Variants in DEF8 observed in about 807,000 individuals in gnomAD.
The protein encoded by DEF8 is DEF-8.
A neutral mutation model predicts 59.1 loss-of-function variants in DEF8; 38 were observed. The ratio of observed to expected loss-of-function variants is 0.64; its 90% confidence interval spans 0.50 to 0.84. The LOEUF (loss-of-function observed/expected upper bound fraction) is 0.84. Ranked by LOEUF, DEF8 falls within the 40% of genes least tolerant of loss-of-function variation. The probability of loss-of-function intolerance (pLI) is 0.00; values close to 1 mark genes in which losing one functional copy is unlikely to be tolerated. For missense variants in DEF8, 557 were observed against 615.2 expected, an observed-to-expected ratio of 0.91 and a Z score of 1.00; for synonymous variants, 265 against 250.1, an observed-to-expected ratio of 1.06 and a Z score of -0.56.
chr16:89,956,176 G>A (rs1436867889), intron 4 of DEF8, among the ~76,000 whole-genome samples: 1 of 151,816 alleles, frequency 6.6e-6, no homozygotes, highest in Non-Finnish European at 1.5e-5. Context: ...AAAGGATTTG[G>A]GCCAGACGTG....
Position 89,949,218 on chromosome 16 carries a change from G to T in DEF8, c.-107-199G>T, listed in dbSNP as rs2031463462. On this transcript the variant is annotated intron_variant, in intron 1 of 12. Coordinates refer to ENST00000563594, the MANE Select transcript of DEF8 (RefSeq NM_001242818.2). ...CGCCGCTGCTCCGGCGTCCACACCA[G>T]CTGCGTGCGGAGCACCCGGGCGGCT... Among the ~76,000 whole-genome samples the T allele has an allele frequency of 2.0e-5, 3 of 151,812 alleles. No individual in the cohort carries two copies. The South Asian group carries it at 6.2e-4, about 31-fold the overall frequency.
chr16:89,955,513 G>A (rs1163359784), intron 4 of DEF8, among the ~76,000 whole-genome samples: 1 of 152,186 alleles, frequency 6.6e-6, no homozygotes, highest in African/African-American at 2.4e-5. Context: ...GAGAGAGCCT[G>A]GGATTGGGGT....
chr16:89,965,208 T>C (rs1322500491), intron 12 of DEF8, among the ~76,000 whole-genome samples: 1 of 152,176 alleles, frequency 6.6e-6, no homozygotes, highest in Non-Finnish European at 1.5e-5. Flanking sequence ...TCAGTAAGTA[T>C]GATTACTTAC....
In DEF8 at chr16:89,956,016, T is replaced by C. The variant is rs551037589; in HGVS notation, c.222+750T>C. 9.2e-5 allele frequency among the ~76,000 whole-genome samples: 14 copies of C among 152,032 alleles called. 1 individual carries two copies. The highest frequency in any genetic ancestry group is 7.8e-4 in the East Asian group (4 of 5,138). On this transcript the variant is annotated intron_variant, in intron 4 of 12. Coordinates refer to ENST00000563594, the MANE Select transcript of DEF8 (RefSeq NM_001242818.2). ...TGAACCTAGGAGGCAGAGTTTGCAG[T>C]GAGCCGAGACTGCGCCACTGCACTC...
In DEF8 at chr16:89,965,924, G is replaced by A; in HGVS notation, c.1317G>A (p.Gln439=). 1.2e-6 allele frequency: 2 copies of A among 1,613,710 alleles called. No homozygotes were observed. The highest frequency in any genetic ancestry group is 1.7e-6 in the Non-Finnish European group (2 of 1,179,810). Residue 439 remains glutamine (Q), a synonymous_variant, in exon 13 of 13, where the codon CAG becomes CAA. Coordinates refer to ENST00000563594, the MANE Select transcript of DEF8 (RefSeq NM_001242818.2). ...PKCARLSLRK[Q]SLFQEPGPDV... ...GTGCCCGGCTCAGCCTGAGGAAGCA[G>A]TCGCTCTTCCAGGAGCCAGGTCCCG...
In DEF8 at chr16:89,959,041, C is replaced by A. The variant is rs1447943626; in HGVS notation, c.400C>A (p.Arg134=). 3.7e-6 allele frequency: 6 copies of A among 1,613,076 alleles called. No homozygotes were observed. The South Asian group carries it at 5.5e-5, about 15-fold the overall frequency. ...KDPNEDEPNI[R]VLLEHRFYKE... is the part of the protein sequence containing the mutation. ...CCCCAATGAGGATGAGCCAAACATC[C>A]GAGTGCTCCTTGAGCACCGCTTTTA... The change falls in exon 6 of 13, where the codon CGA becomes AGA. Residue 134 remains arginine (R), a synonymous_variant. Transcript: ENST00000563594.
At position 89,959,651 on chromosome 16, in the gene DEF8, C is replaced by G. The variant is rs562776866; in HGVS notation, c.514+496C>G. On this transcript the variant is annotated intron_variant, in intron 6 of 12. Transcript: ENST00000563594. ...CTGGGACTACAGGTGCCCGCCACCA[C>G]GCCCGGCTAATTTTTTGTATTTTTT... Among the ~76,000 whole-genome samples, 3 of 152,154 alleles carry G rather than the reference C, an allele frequency of 2.0e-5. No individual in the cohort carries two copies. In the South Asian group the frequency reaches 6.2e-4, roughly 32 times the overall value.
At chr16:89,964,086 G>C (rs2034374712) in intron 10 of DEF8, 84 bp from the exon 11 acceptor site, 1 of 1,565,540 alleles carries the variant, frequency 6.4e-7, no homozygotes, top group Non-Finnish European at 8.8e-7. Context: ...GAGCACCTGG[G>C]CCCTGACCAC....
chr16:89,961,042 G>C lies in DEF8; in HGVS notation c.626G>C (p.Gly209Ala). 1 of 1,614,122 alleles carries C rather than the reference G, an allele frequency of 6.2e-7. No homozygotes were observed. The highest frequency in any genetic ancestry group is 8.5e-7 in the Non-Finnish European group (1 of 1,180,014). The change falls in exon 7 of 13, where the codon GGG becomes GCG. Residue 209 changes from glycine (G) to alanine (A), a missense_variant. Gly to Ala is a moderately conservative substitution (Grantham distance 60, BLOSUM62 0). Coordinates refer to ENST00000563594, the MANE Select transcript of DEF8 (RefSeq NM_001242818.2). ...GAACTGAACATCTGCCCTGAGACAG[G>C]GCTGGACAGCCAGGATTACCGCTGT... ...EYELNICPET[G>A]LDSQDYRCAE... is the part of the protein sequence containing the mutation.
At chr16:89,960,751 C>T (rs2033924557) in intron 6 of DEF8, among the ~76,000 whole-genome samples, 180 bp from the exon 7 acceptor site, 1 of 152,100 alleles carries the variant, frequency 6.6e-6, no homozygotes, top group Non-Finnish European at 1.5e-5. Context: ...TGGGGCAAGG[C>T]TCAGGGGCCA....
intron 1 of DEF8, among the ~76,000 whole-genome samples, chr16:89,949,091 G>T: frequency 1.5e-5 from 2 of 134,976 alleles, no homozygotes; most frequent in South Asian, 4.6e-4. Flanking sequence ...GGGGCCGGCG[G>T]GGACGGGGCC....
intron 9 of DEF8, 40 bp from the exon 10 acceptor site, chr16:89,963,323 C>G (rs1239418057): frequency 6.3e-7 from 1 of 1,595,930 alleles, no homozygotes; most frequent in Admixed American, 1.7e-5. Context: ...CGCCCTGTGT[C>G]CTGGCTGAGG....
At chr16:89,962,151 G>T (rs776950666) in intron 9 of DEF8, 26 bp downstream of exon 9, 2 of 1,595,040 alleles carry the variant, frequency 1.3e-6, no homozygotes, top group South Asian at 1.1e-5. Context: ...TGGAAGTGGG[G>T]GGCGGGGGCG....
chr16:89,966,374 C>T lies in DEF8; in HGVS notation c.*411C>T, dbSNP rs183950690. 5.3e-4 allele frequency: 87 copies of T among 162,624 alleles called. No homozygotes were observed. Among genetic ancestry groups the T allele is most frequent in the African/African-American group, 1.9e-3 (81 of 41,910 alleles). The allele number at this position is 162,624 out of a possible 1,614,324, so 10.1% of individuals were successfully genotyped here. ...TCATCAGGCCAAGACCCGGACAGAG[C>T]TTCAGAGGAGTGTTGAGTGACACCT... is the stretch of plus-strand genomic sequence containing the variant. On this transcript the variant is annotated 3_prime_UTR_variant, in exon 13 of 13. Transcript: ENST00000563594.
At chr16:89,959,415 G>A (rs966307547) in intron 6 of DEF8, 10 of 1,245,616 alleles carry the variant, frequency 8.0e-6, no homozygotes, top group African/African-American at 1.5e-5. Context: ...GACCTAGCAC[G>A]TGTTAGGGTG....
chr16:89,954,034 G>A lies in DEF8; in HGVS notation c.-10-209G>A. 8.6e-6 allele frequency: 5 copies of A among 579,482 alleles called. No homozygotes were observed. The highest frequency in any genetic ancestry group is 1.5e-5 in the Non-Finnish European group (5 of 332,828). The allele number at this position is 579,482 out of a possible 1,614,324, so 35.9% of individuals were successfully genotyped here. A position where few individuals can be genotyped will look rare whatever the true frequency, so the allele number is the denominator to read the frequency against. ...ATTGTCACCGTGAGCTCTTTCCAAG[G>A]GGACGCCACCAGTGGGGGCCTGGGC... On this transcript the variant is annotated intron_variant, in intron 2 of 12. Transcript: ENST00000563594. This position sits in a 1 kb window ranked among gnomAD's most constrained non-coding sequence, Gnocchi z 4.3.
chr16:89,963,767 C>G, intron 10 of DEF8: 1 of 499,546 alleles, frequency 2.0e-6, no homozygotes, highest in Non-Finnish European at 3.7e-6. Flanking sequence ...GTTCTAGATT[C>G]TGGAACAGTG....
At chr16:89,960,159 G>T (rs565348958) in intron 6 of DEF8, among the ~76,000 whole-genome samples, 2 of 152,304 alleles carry the variant, frequency 1.3e-5, no homozygotes, top group African/African-American at 4.8e-5. Context: ...TTTAAGTGCA[G>T]TGGGGGCCAC....
At chr16:89,953,816 A>C (rs1316217200) in intron 2 of DEF8, among the ~76,000 whole-genome samples, 2 of 152,166 alleles carry the variant, frequency 1.3e-5, no homozygotes, top group Non-Finnish European at 2.9e-5. Flanking sequence ...CCCATTTCTG[A>C]GAGGTGTGTC....
Sources: gnomAD v4.1 joint callset for allele counts (sites outside exome capture counted in the v4.1 genomes callset) on GRCh38, gnomAD v4.1.1 for gene constraint, Gnocchi (gnomAD v3.1) non-coding constraint, MANE v1.5 for transcripts, NCBI Gene and HGNC (gene_info 2026-07-23, HGNC 2026-07-21) for gene names.